NOX3: variants seen among roughly 807,000 people sequenced by gnomAD.
NOX3 encodes the protein NADPH oxidase catalytic subunit-like 3.
Under a neutral mutation model 76.7 loss-of-function variants are expected in NOX3, and 74 were observed. The ratio of observed to expected loss-of-function variants is 0.96; its 90% CI spans 0.80 to 1.17. NOX3 has a LOEUF of 1.17. NOX3 is among the 50% of genes most tolerant of loss of function. The pLI, the probability that NOX3 is intolerant of heterozygous loss-of-function variation, is 0.00. For synonymous variants in NOX3, 263 were observed against 261.1 expected, an observed-to-expected ratio of 1.01 and a Z score of -0.07; for missense variants, 695 against 703.3, an observed-to-expected ratio of 0.99 and a Z score of 0.13.
chr6:155,427,053 G>C (rs1160128778), intron 9 of NOX3, among the ~76,000 whole-genome samples: 1 of 131,774 alleles, frequency 7.6e-6, no homozygotes, highest in Non-Finnish European at 1.6e-5. Context: ...TGAGGGTGGG[G>C]GTGCTGTGCA....
chr6:155,439,539 C>T (rs188808144), intron 6 of NOX3, among the ~76,000 whole-genome samples: 142 of 152,314 alleles, frequency 9.3e-4, no homozygotes, highest in African/African-American at 3.2e-3. Context: ...CCATGCCACA[C>T]ATTGTCCCTG....
chr6:155,422,293 A>G (rs1776699732), intron 10 of NOX3, among the ~76,000 whole-genome samples: 1 of 152,202 alleles, frequency 6.6e-6, no homozygotes, highest in African/African-American at 2.4e-5. Flanking sequence ...GCTTCTTGTT[A>G]GGACTGAGTC....
At chr6:155,416,305 G>A (rs1776620541) in intron 10 of NOX3, among the ~76,000 whole-genome samples, 1 of 152,200 alleles carries the variant, frequency 6.6e-6, no homozygotes, top group Non-Finnish European at 1.5e-5. Flanking sequence ...TCCAAAAGGA[G>A]AATTTCTCTC....
At chr6:155,397,389 T>C (rs1444016289) in intron 12 of NOX3, among the ~76,000 whole-genome samples, 1 of 152,236 alleles carries the variant, frequency 6.6e-6, no homozygotes, top group Non-Finnish European at 1.5e-5. Flanking sequence ...ACTTACACAA[T>C]GCCTGGACTT....
At chr6:155,407,412 C>G (rs1382630864) in intron 11 of NOX3, among the ~76,000 whole-genome samples, 158 bp from the exon 12 acceptor site, 5 of 152,208 alleles carry the variant, frequency 3.3e-5, no homozygotes, top group African/African-American at 1.2e-4. Context: ...CAATGCTGCA[C>G]TTTAGGGCAA....
At chr6:155,429,459 C>T (rs1419872794) in intron 8 of NOX3, among the ~76,000 whole-genome samples, 2 of 152,194 alleles carry the variant, frequency 1.3e-5, no homozygotes, top group African/African-American at 4.8e-5. Context: ...TTACCTTTTT[C>T]AATGATCTGC....
chr6:155,436,423 G>T lies in NOX3; in HGVS notation c.793C>A (p.Pro265Thr). 2 of 1,614,000 alleles carry T rather than the reference G, an allele frequency of 1.2e-6. No homozygotes were observed. The highest frequency in any genetic ancestry group is 1.7e-6 in the Non-Finnish European group (2 of 1,179,950). ...CPVPQFSGKE[P>T]SAWKWILGPV... ...GCTCCTGGGTTCATTCTTACCGAGGGTTCCTTGCCAGAAAATTGAGGCACG... is the reference window on the plus strand; with the variant it reads ...GCTCCTGGGTTCATTCTTACCGAGGTTTCCTTGCCAGAAAATTGAGGCACG... Residue 265 changes from proline to threonine, a missense_variant, in exon 7 of 14, where the codon CCC (proline) becomes ACC (threonine). Coordinates refer to ENST00000159060, the MANE Select transcript of NOX3 (RefSeq NM_015718.3).
chr6:155,453,522 A>G, intron 3 of NOX3, 34 bp from the exon 4 acceptor site: 1 of 1,492,108 alleles, frequency 6.7e-7, no homozygotes, highest in Non-Finnish European at 9.4e-7. Context: ...TGATTTATGG[A>G]AAAATTGCAG....
At chr6:155,437,748 A>T (rs746411428) in intron 6 of NOX3, among the ~76,000 whole-genome samples, 1 of 152,234 alleles carries the variant, frequency 6.6e-6, no homozygotes, top group Non-Finnish European at 1.5e-5. Context: ...ATATCATTCC[A>T]CAAATGCTGT....
intron 9 of NOX3, among the ~76,000 whole-genome samples, chr6:155,427,700 A>G (rs150106632): frequency 6.6e-6 from 1 of 152,312 alleles, no homozygotes; most frequent in Admixed American, 6.5e-5. Context: ...AAATTCTTCC[A>G]AAAATGTTTT....
intron 7 of NOX3, among the ~76,000 whole-genome samples, chr6:155,432,103 A>G (rs1416779097): frequency 6.6e-6 from 1 of 152,140 alleles, no homozygotes; most frequent in Non-Finnish European, 1.5e-5. Context: ...AATTGTATAT[A>G]TTCACGAGGT....
intron 12 of NOX3, among the ~76,000 whole-genome samples, chr6:155,401,263 A>G (rs1779222242): frequency 6.6e-6 from 1 of 152,178 alleles, no homozygotes; most frequent in South Asian, 2.1e-4. Flanking sequence ...AGAGAGATTG[A>G]TGCCCTCTCA....
chr6:155,425,342 C>T (rs567326818), intron 9 of NOX3, among the ~76,000 whole-genome samples: 2 of 152,242 alleles, frequency 1.3e-5, no homozygotes, highest in East Asian at 3.9e-4. Flanking sequence ...TTGTTTATCA[C>T]GTTTATGCAG....
chr6:155,452,760 G>A (rs1018739880), intron 4 of NOX3, among the ~76,000 whole-genome samples: 3 of 152,072 alleles, frequency 2.0e-5, no homozygotes, highest in Non-Finnish European at 2.9e-5. Context: ...TTATTTCAAT[G>A]TCTTTGTTTT....
intron 6 of NOX3, among the ~76,000 whole-genome samples, chr6:155,438,748 C>T (rs769080044): frequency 1.3e-5 from 2 of 152,230 alleles, no homozygotes; most frequent in South Asian, 2.1e-4. Context: ...CAGCTATGCG[C>T]TTGCTCTTCC....
intron 4 of NOX3, among the ~76,000 whole-genome samples, chr6:155,451,201 A>G (rs1176114885): frequency 6.6e-6 from 1 of 151,666 alleles, no homozygotes; most frequent in Non-Finnish European, 1.5e-5. Flanking sequence ...CTGGTCTCCA[A>G]CTCCTGATCT....
chr6:155,412,831 A>G (rs1309720146), intron 10 of NOX3, among the ~76,000 whole-genome samples: 3 of 152,214 alleles, frequency 2.0e-5, no homozygotes, highest in Admixed American at 6.5e-5. Flanking sequence ...CTGGAACTAT[A>G]CAAGTGAACA....
Position 155,422,743 on chromosome 6 carries a change from G to T in NOX3, c.1259C>A (p.Ser420Tyr). Residue 420 changes from serine to tyrosine, a missense_variant, in exon 10 of 14, where the codon TCT becomes TAT. Transcript: ENST00000159060. ...TGCCTCACTGCATTTGTACCATATA[G>T]ATTTCAGAAGAGCAGCGAAGGGAGT... ...GVTPFAALLK[S>Y]IWYKCSEAQT... The T allele has an allele frequency of 6.2e-7, 1 of 1,614,154 alleles. No individual in the cohort carries two copies. Among genetic ancestry groups the T allele is most frequent in the Non-Finnish European group, 8.5e-7 (1 of 1,180,014 alleles).
At position 155,454,820 on chromosome 6, in the gene NOX3, T is replaced by C. The variant is rs759459159; in HGVS notation, c.246A>G (p.Gly82=). The part of the protein sequence containing the change: ...VSRNLISFIR[G]TSICCRGPWR... ...ATATTTTAGTACTTACAATACTTGT[T>C]CCTCTTATGAATGAAATAAGGTTTC... Residue 82 remains glycine (G), a synonymous_variant, in exon 3 of 14, where the codon GGA becomes GGG. Coordinates refer to ENST00000159060, the MANE Select transcript of NOX3 (RefSeq NM_015718.3). 1.3e-5 allele frequency: 20 copies of C among 1,565,218 alleles called. No homozygotes were observed. Among genetic ancestry groups the C allele is most frequent in the Non-Finnish European group, 1.7e-5 (20 of 1,150,564 alleles).
Sources: gnomAD v4.1 joint callset for allele counts (sites outside exome capture counted in the v4.1 genomes callset) on GRCh38, gnomAD v4.1.1 for gene constraint, MANE v1.5 for transcripts, NCBI Gene and HGNC (gene_info 2026-07-23, HGNC 2026-07-21) for gene names.